The following STXBP5L variants were observed in gnomAD, a reference collection of about 807,000 sequenced individuals.
The protein encoded by STXBP5L is syntaxin-binding protein 5-like.
A neutral mutation model predicts 144.5 loss-of-function variants in STXBP5L; 65 were observed. That is an observed-to-expected ratio of 0.45 (90% CI 0.37 to 0.55). STXBP5L has a LOEUF of 0.55. STXBP5L is among the 20% of genes least tolerant of loss of function. STXBP5L has a pLI of 0.00. For missense variants in STXBP5L, 1,298 were observed against 1,405.5 expected (o/e 0.92, Z 1.22); for synonymous variants, 505 against 469.6 (o/e 1.08, Z -0.97).
At chr3:121,000,862 T>G (rs1299767442) in intron 3 of STXBP5L, among the ~76,000 whole-genome samples, 1 of 152,208 alleles carries the variant, frequency 6.6e-6, no homozygotes, top group African/African-American at 2.4e-5. Flanking sequence ...GCTTCATTTC[T>G]GGATGATTTC....
chr3:121,258,730 CAT>C (rs1197804136), intron 17 of STXBP5L, among the ~76,000 whole-genome samples: 1 of 151,762 alleles, frequency 6.6e-6, no homozygotes, highest in Non-Finnish European at 1.5e-5. Flanking sequence ...ATATATGTAA[CAT>C]ATATTACATT....
chr3:121,330,651 G>A (rs367996350), intron 20 of STXBP5L, among the ~76,000 whole-genome samples: 15 of 152,086 alleles, frequency 9.9e-5, no homozygotes, highest in African/African-American at 2.9e-4. Flanking sequence ...CACAGCTGTT[G>A]CTCTTTGCAA....
At chr3:121,042,297 A>T (rs2107552627) in intron 4 of STXBP5L, among the ~76,000 whole-genome samples, 1 of 152,280 alleles carries the variant, frequency 6.6e-6, no homozygotes, top group Non-Finnish European at 1.5e-5. Context: ...TACTGTATCT[A>T]CATTTTTATA....
chr3:121,107,809 G>A (rs1376977436), intron 5 of STXBP5L, among the ~76,000 whole-genome samples: 1 of 152,096 alleles, frequency 6.6e-6, no homozygotes, highest in Non-Finnish European at 1.5e-5. Flanking sequence ...AGGCAGTATG[G>A]CCATTTTCAC....
At chr3:121,076,135 T>C (rs1242876137) in intron 5 of STXBP5L, among the ~76,000 whole-genome samples, 3 of 152,280 alleles carry the variant, frequency 2.0e-5, no homozygotes, top group Admixed American at 6.5e-5. Flanking sequence ...CAAATAAATT[T>C]GTTTCTGTGT....
chr3:120,952,305 A>G (rs971614814), intron 2 of STXBP5L, among the ~76,000 whole-genome samples: 2 of 152,100 alleles, frequency 1.3e-5, no homozygotes. Flanking sequence ...TGTTTAATCT[A>G]TAGATATCTG....
intron 20 of STXBP5L, among the ~76,000 whole-genome samples, chr3:121,356,355 G>A (rs2108627043): frequency 6.6e-6 from 1 of 152,352 alleles, no homozygotes; most frequent in East Asian, 1.9e-4. Context: ...CTCATTTTGA[G>A]CTTCCCGGCC....
intron 12 of STXBP5L, 120 bp from the exon 13 acceptor site, chr3:121,238,851 C>A: frequency 9.8e-7 from 1 of 1,017,344 alleles, no homozygotes; most frequent in Non-Finnish European, 1.3e-6. Context: ...TTTTATGGTA[C>A]TTAAAAAACA....
chr3:121,002,719 C>A (rs1429095788), intron 3 of STXBP5L, among the ~76,000 whole-genome samples: 2 of 150,602 alleles, frequency 1.3e-5, no homozygotes, highest in Non-Finnish European at 3.0e-5. Context: ...CCCCACCCCA[C>A]AACAGGCCCC....
chr3:120,909,540 T>G (rs1708716439), intron 1 of STXBP5L, 31 bp from the exon 2 acceptor site: 1 of 1,593,292 alleles, frequency 6.3e-7, no homozygotes, highest in Non-Finnish European at 8.5e-7. Flanking sequence ...AGTCACCTCT[T>G]TCCCTTTTTT....
At position 121,259,101 on chromosome 3, in the gene STXBP5L, T is replaced by C. The variant is rs1559913633; in HGVS notation, c.1891T>C (p.Leu631=). Residue 631 remains leucine, a synonymous_variant, in exon 18 of 27, where the codon TTG becomes CTG. Transcript: ENST00000471454. ...ATATCAAGCAGAACTTGTTATTCAA[T>C]TGGTGTGGGTAGATGGTGAACCTCC... ...PGYQAELVIQ[L]VWVDGEPPQQ... is the part of the protein sequence containing the mutation. 1.9e-6 allele frequency: 3 copies of C among 1,606,158 alleles called. No individual in the cohort carries two copies. The highest frequency in any genetic ancestry group is 1.7e-5 in the Admixed American group (1 of 59,458).
At chr3:121,211,068 G>C (rs1411757112) in intron 10 of STXBP5L, among the ~76,000 whole-genome samples, 1 of 152,176 alleles carries the variant, frequency 6.6e-6, no homozygotes, top group African/African-American at 2.4e-5. Context: ...CATGTGCATG[G>C]AATGTTCTTC....
At chr3:120,998,397 T>G (rs1488906489) in intron 3 of STXBP5L, among the ~76,000 whole-genome samples, 1 of 152,080 alleles carries the variant, frequency 6.6e-6, no homozygotes, top group Non-Finnish European at 1.5e-5. Flanking sequence ...TTTTTTAATA[T>G]TATACTTTAA....
intron 7 of STXBP5L, among the ~76,000 whole-genome samples, chr3:121,129,992 G>A (rs979800981): frequency 6.6e-6 from 1 of 152,050 alleles, no homozygotes; most frequent in Non-Finnish European, 1.5e-5. Context: ...ACTTGATGGG[G>A]CTTTTGGATT....
chr3:121,332,199 T>A (rs1050149848), intron 20 of STXBP5L, among the ~76,000 whole-genome samples: 1 of 151,768 alleles, frequency 6.6e-6, no homozygotes, highest in Non-Finnish European at 1.5e-5. Context: ...AACAAGATAC[T>A]GTAGTACCCC....
intron 19 of STXBP5L, among the ~76,000 whole-genome samples, chr3:121,283,141 C>T (rs1297251947): frequency 6.6e-6 from 1 of 151,786 alleles, no homozygotes; most frequent in Non-Finnish European, 1.5e-5. Context: ...TACAAAATGG[C>T]CTTATAGTTG....
chr3:120,933,520 T>C (rs1293864547), intron 2 of STXBP5L, among the ~76,000 whole-genome samples: 1 of 152,140 alleles, frequency 6.6e-6, no homozygotes, highest in Non-Finnish European at 1.5e-5. Flanking sequence ...TTAACAAATA[T>C]ATATTTTGAT....
chr3:121,394,557 T>G (rs1041980782), intron 22 of STXBP5L, among the ~76,000 whole-genome samples: 4 of 151,964 alleles, frequency 2.6e-5, no homozygotes, highest in African/African-American at 9.7e-5. Flanking sequence ...ATATATGACT[T>G]TTATTATTTT....
chr3:121,297,858 A>G (rs758458311), intron 19 of STXBP5L, among the ~76,000 whole-genome samples: 2 of 152,230 alleles, frequency 1.3e-5, no homozygotes, highest in Non-Finnish European at 2.9e-5. Context: ...AATGGAAATT[A>G]TAGAACTTAA....
Sources: gnomAD v4.1 joint callset for allele counts (sites outside exome capture counted in the v4.1 genomes callset) on GRCh38, gnomAD v4.1.1 for gene constraint, MANE v1.5 for transcripts, NCBI Gene and HGNC (gene_info 2026-07-23, HGNC 2026-07-21) for gene names.